Variants in JAML observed in about 807,000 individuals in gnomAD.
The protein encoded by JAML is junctional adhesion molecule-like.
JAML carries 25 observed loss-of-function variants against 39.3 expected under a neutral mutation model. The observed-to-expected ratio is 0.64, with a 90% CI of 0.46 to 0.89. JAML has a LOEUF of 0.89. Ranked by LOEUF, JAML falls within the 40% of genes least tolerant of loss-of-function variation. JAML has a pLI of 0.00. For synonymous variants in JAML, 162 were observed against 179.2 expected (o/e 0.90, Z 0.77); for missense variants, 440 against 486.9 (o/e 0.90, Z 0.91).
At chr11:118,218,572 T>G (rs1949173136) in intron 1 of JAML, among the ~76,000 whole-genome samples, 1 of 152,138 alleles carries the variant, frequency 6.6e-6, no homozygotes, top group African/African-American at 2.4e-5. Context: ...AGTGCCAGCA[T>G]GGTGTGAGGT....
Position 118,196,769 on chromosome 11 carries a change from G to T in JAML, c.1058C>A (p.Pro353Gln). Residue 353 changes from proline (P) to glutamine (Q), a missense_variant, in exon 9 of 10, where the codon CCA (proline) becomes CAA (glutamine). Coordinates refer to ENST00000356289, the MANE Select transcript of JAML (RefSeq NM_001098526.2). ...GTAGGTGGCCTCTGATTTTTCACTT[G>T]GTTCTTCTTCCTCGATCACCTCCCG... ...IVREVIEEEEPSEKSEATYMT... is the reference protein window; with the variant it reads ...IVREVIEEEEQSEKSEATYMT... 1 of 1,613,138 alleles carries T rather than the reference G, an allele frequency of 6.2e-7. No homozygotes were observed. The highest frequency in any genetic ancestry group is 8.5e-7 in the Non-Finnish European group (1 of 1,179,176).
At chr11:118,212,174 C>T (rs1949075063) in intron 3 of JAML, among the ~76,000 whole-genome samples, 4 of 152,314 alleles carry the variant, frequency 2.6e-5, no homozygotes, top group South Asian at 4.1e-4. Context: ...ATTGTAATTG[C>T]CTTCCTCTTC....
intron 7 of JAML, 115 bp downstream of exon 7, chr11:118,200,359 T>C: frequency 7.9e-7 from 1 of 1,272,756 alleles, no homozygotes; most frequent in Non-Finnish European, 1.1e-6. Context: ...CATTTAAAAA[T>C]ACCCCCTTCT....
At chr11:118,212,353 C>T in intron 3 of JAML, 54 bp downstream of exon 3, 1 of 1,593,836 alleles carries the variant, frequency 6.3e-7, no homozygotes, top group East Asian at 2.2e-5. Flanking sequence ...CCACTCTGTC[C>T]TGACACCAGC....
chr11:118,223,194 G>T (rs1345175643), intron 1 of JAML, among the ~76,000 whole-genome samples: 2 of 151,946 alleles, frequency 1.3e-5, no homozygotes, highest in African/African-American at 4.8e-5. Context: ...AGTTCTGTGG[G>T]TATAAGCAGG....
chr11:118,203,467 T>C lies in JAML; in HGVS notation c.733A>G (p.Lys245Glu), dbSNP rs1948854748. ...SIHLGNLVFK[K>E]TIVLHVSPEE... ...GGGCTGACATGCAGCACAATGGTTT[T>C]CTTGAACACCAGGTTCCCTAGGTGG... The change falls in exon 6 of 10, where the codon AAA (lysine) becomes GAA (glutamate). Residue 245 changes from lysine to glutamate, a missense_variant. Lys to Glu is a moderately conservative substitution (Grantham distance 56). Coordinates refer to ENST00000356289, the MANE Select transcript of JAML (RefSeq NM_001098526.2). 6.2e-7 allele frequency: 1 copy of C among 1,614,088 alleles called. No individual in the cohort carries two copies. Among genetic ancestry groups the C allele is most frequent in the African/African-American group, 1.3e-5 (1 of 74,932 alleles).
intron 1 of JAML, among the ~76,000 whole-genome samples, chr11:118,216,325 C>T (rs12280559): frequency 0.27 from 39,957 of 150,776 alleles, 5,925 homozygotes; most frequent in African/African-American, 0.4. Context: ...GCCGAGATCA[C>T]GCCACTGCAC....
At chr11:118,196,237 C>T (rs1032147882) in intron 9 of JAML, among the ~76,000 whole-genome samples, 5 of 151,768 alleles carry the variant, frequency 3.3e-5, no homozygotes, top group Admixed American at 1.3e-4. Context: ...AAGCAATTCT[C>T]GTGCCTCAGC....
chr11:118,198,359 G>A (rs1374083055), intron 7 of JAML, among the ~76,000 whole-genome samples: 2 of 152,214 alleles, frequency 1.3e-5, no homozygotes, highest in Non-Finnish European at 2.9e-5. Flanking sequence ...CTTTCAGTCC[G>A]TATGGGAGAG....
intron 2 of JAML, among the ~76,000 whole-genome samples, chr11:118,214,233 T>C (rs751632120): frequency 2.6e-5 from 4 of 152,058 alleles, no homozygotes; most frequent in Non-Finnish European, 5.9e-5. Flanking sequence ...GGTGGAGGCA[T>C]AAACAGGAGA....
intron 5 of JAML, 65 bp from the exon 6 acceptor site, chr11:118,203,730 T>C: frequency 1.5e-6 from 2 of 1,379,142 alleles, no homozygotes; most frequent in Non-Finnish European, 2.1e-6. Flanking sequence ...GCAGAGAAAA[T>C]GGGGGAGGGA....
At chr11:118,195,536 C>T (rs149634410) in intron 9 of JAML, among the ~76,000 whole-genome samples, 7 of 152,258 alleles carry the variant, frequency 4.6e-5, no homozygotes, top group African/African-American at 1.7e-4. Context: ...CCTTTTGTCC[C>T]TACCCCCACT....
rs768547342 is a variant in JAML, at chr11:118,194,364, C to CT, written c.1145dup (p.Ser383ValfsTer39). ...GTGTTTTTGGCATTCCCCCACCTGA[C>CT]TTTTTTTCAAGTGAGTTGTTCCGAT... On this transcript the variant is annotated frameshift_variant, in exon 10 of 10. Transcript: ENST00000356289. LOFTEE classifies it low-confidence loss of function (END_TRUNC). 1.4e-5 allele frequency: 23 copies of CT among 1,613,958 alleles called. No homozygotes were observed. Among genetic ancestry groups the CT allele is most frequent in the Non-Finnish European group, 1.9e-5 (22 of 1,180,014 alleles).
At position 118,194,287 on chromosome 11, in the gene JAML, C is replaced by T; in HGVS notation, c.*38G>A. The T allele has an allele frequency of 6.4e-7, 1 of 1,560,746 alleles. No individual in the cohort carries two copies. Among genetic ancestry groups the T allele is most frequent in the Non-Finnish European group, 8.8e-7 (1 of 1,131,694 alleles). On this transcript the variant is annotated 3_prime_UTR_variant, in exon 10 of 10. Transcript: ENST00000356289. ...GCCCAGGACACACACAGGAGAGAGT[C>T]TCCACCGCTGCTGAGATGAAGGGAC... is the stretch of plus-strand genomic sequence containing the variant.
chr11:118,221,783 C>A (rs1183191575), intron 1 of JAML, among the ~76,000 whole-genome samples: 2 of 152,176 alleles, frequency 1.3e-5, no homozygotes, highest in Non-Finnish European at 2.9e-5. Flanking sequence ...TTTATTGATT[C>A]TTTTCCCCTC....
At position 118,210,555 on chromosome 11, in the gene JAML, C is replaced by T. The variant is rs143034248; in HGVS notation, c.356G>A (p.Arg119His). 5.4e-3 allele frequency: 8,764 copies of T among 1,614,140 alleles called. 39 individuals carry two copies. Among genetic ancestry groups the T allele is most frequent in the Non-Finnish European group, 6.5e-3 (7,704 of 1,179,998 alleles). ...ADQGTYICEI[R>H]LKGESQVFKK... ...GAACACCTGGCTCTCCCCTTTGAGGCGGATTTCACAGATATAGGTTCCCTG... is the reference window on the plus strand; with the variant it reads ...GAACACCTGGCTCTCCCCTTTGAGGTGGATTTCACAGATATAGGTTCCCTG... The change falls in exon 4 of 10, where the codon CGC becomes CAC. Residue 119 changes from arginine to histidine, a missense_variant. Arg to His is a conservative substitution (Grantham distance 29). Transcript: ENST00000356289.
rs1291302113 is a variant in JAML, at chr11:118,216,309, C to A, written c.-20-1423G>T. 6.0e-5 allele frequency among the ~76,000 whole-genome samples: 9 copies of A among 150,748 alleles called. No homozygotes were observed. The Admixed American group carries it at 6.0e-4, about 10-fold the overall frequency. On this transcript the variant is annotated intron_variant, in intron 1 of 9. Transcript: ENST00000356289. The stretch of plus-strand genomic sequence containing the variant: ...GCGTGAACCTGGTAGGCGGAGCTTG[C>A]AGTGAGCCGAGATCACGCCACTGCA...
chr11:118,213,945 G>T (rs1949106589), intron 2 of JAML, among the ~76,000 whole-genome samples: 1 of 152,096 alleles, frequency 6.6e-6, no homozygotes, highest in African/African-American at 2.4e-5. Flanking sequence ...ACACCATTTT[G>T]GTGTGCGTGC....
intron 2 of JAML, among the ~76,000 whole-genome samples, chr11:118,213,579 G>A (rs1354878663): frequency 1.3e-5 from 2 of 152,228 alleles, no homozygotes; most frequent in African/African-American, 4.8e-5. Flanking sequence ...AGCTCCATGT[G>A]TGATTGAAAG....
Sources: allele counts gnomAD v4.1 joint callset (sites outside exome capture counted in the v4.1 genomes callset), GRCh38; gene constraint gnomAD v4.1.1; transcripts MANE v1.5; gene names NCBI Gene and HGNC (gene_info 2026-07-23, HGNC 2026-07-21).